The following GUCY2D variants were observed in gnomAD, a reference collection of about 807,000 sequenced individuals.
The protein encoded by GUCY2D is guanylate cyclase 2D, retinal.
A neutral mutation model predicts 101.3 loss-of-function variants in GUCY2D; 70 were observed. The observed-to-expected ratio is 0.69, with a 90% CI of 0.57 to 0.84. The LOEUF (loss-of-function observed/expected upper bound fraction) is 0.84. Among genes scored for constraint, GUCY2D ranks in the 40% least tolerant of loss-of-function variants. The pLI, the probability that GUCY2D is intolerant of heterozygous loss-of-function variation, is 0.00. For missense variants in GUCY2D, 1,460 were observed against 1,542.5 expected, an observed-to-expected ratio of 0.95 and a Z score of 0.90; for synonymous variants, 688 against 670.7, an observed-to-expected ratio of 1.03 and a Z score of -0.40.
At chr17:8,009,089 C>T (rs968479583) in intron 7 of GUCY2D, among the ~76,000 whole-genome samples, 1 of 152,236 alleles carries the variant, frequency 6.6e-6, no homozygotes, top group Non-Finnish European at 1.5e-5. Flanking sequence ...GGATGAGGTC[C>T]AGCATCAGGA....
At chr17:8,008,731 T>A (rs2151801294) in intron 7 of GUCY2D, among the ~76,000 whole-genome samples, 1 of 152,316 alleles carries the variant, frequency 6.6e-6, no homozygotes, top group South Asian at 2.1e-4. Flanking sequence ...GACTACTCTG[T>A]GCCTTGAAGA....
At position 8,016,538 on chromosome 17, in the gene GUCY2D, G is replaced by A. The variant is rs750906839; in HGVS notation, c.*8G>A. ...CCGGGCCAGTTCTCTTGAGAAGTGA[G>A]GCCCGGCCCCGGACAGGTACTGCCC... is the stretch of plus-strand genomic sequence containing the variant. On this transcript the variant is annotated 3_prime_UTR_variant, in exon 19 of 20. Transcript: ENST00000254854. 7 of 1,544,960 alleles carry A rather than the reference G, an allele frequency of 4.5e-6. No individual in the cohort carries two copies. Among genetic ancestry groups the A allele is most frequent in the Non-Finnish European group, 5.3e-6 (6 of 1,141,964 alleles).
Position 8,013,948 on chromosome 17 carries a change from G to A in GUCY2D, c.2332G>A (p.Val778Ile), listed in dbSNP as rs1488769863. 6.2e-7 allele frequency: 1 copy of A among 1,613,674 alleles called. No homozygotes were observed. Among genetic ancestry groups the A allele is most frequent in the Admixed American group, 1.7e-5 (1 of 60,034 alleles). ...CTTGGTGTCCATGGACCAGGCACCT[G>A]TCGAGTGTATCCTCCTGATGAAGCA... ...RPLVSMDQAP[V>I]ECILLMKQCW... The change falls in exon 12 of 20, where the codon GTC (valine) becomes ATC (isoleucine). Residue 778 changes from valine to isoleucine, a missense_variant. Around this residue, in one of 3 missense-constraint regions of GUCY2D, gnomAD observed 1,196 missense variants for 1,229.6 expected, o/e 0.97. Transcript: ENST00000254854. This position sits in a 1 kb window ranked among gnomAD's most constrained non-coding sequence, Gnocchi z 5.0.
rs1029856949 is a variant in GUCY2D, at chr17:8,020,298, T to C, written c.*195T>C. The stretch of plus-strand genomic sequence containing the variant: ...GATACCAGGCCATGTGCCATGGTAT[T>C]TGGGTCCTGGGAGGGTGGGTGAAAT... On this transcript the variant is annotated 3_prime_UTR_variant, in exon 20 of 20. Transcript: ENST00000254854. The C allele has an allele frequency of 6.6e-6, 1 of 152,072 alleles. No individual in the cohort carries two copies. The highest frequency in any genetic ancestry group is 2.4e-5 in the African/African-American group (1 of 41,354). The allele number at this position is 152,072 out of a possible 1,614,324, so 9.4% of individuals were successfully genotyped here. A position where few individuals can be genotyped will look rare whatever the true frequency, so the allele number is the denominator to read the frequency against.
chr17:8,018,850 T>TA (rs1031318965), intron 19 of GUCY2D, among the ~76,000 whole-genome samples: 5 of 151,680 alleles, frequency 3.3e-5, no homozygotes, highest in Admixed American at 6.6e-5. Flanking sequence ...TTTTTTTTTT[T>TA]AAACTGATTC....
chr17:8,006,878 C>T (rs1324392687), intron 4 of GUCY2D, among the ~76,000 whole-genome samples, 164 bp downstream of exon 4: 1 of 152,230 alleles, frequency 6.6e-6, no homozygotes, highest in Non-Finnish European at 1.5e-5. Flanking sequence ...AGCTCCAAAG[C>T]CCTCTTGGAA....
Position 8,011,064 on chromosome 17 carries a change from T to C in GUCY2D, c.1750-1080T>C, listed in dbSNP as rs895535140. Among the ~76,000 whole-genome samples the C allele has an allele frequency of 1.3e-5, 2 of 151,950 alleles. No individual in the cohort carries two copies. The highest frequency in any genetic ancestry group is 2.9e-5 in the Non-Finnish European group (2 of 67,988). ...CCGGCCAGGTTGCAGGCACACGCCA[T>C]TTCTGGTGTCCTTTGAAAGTGGCAC... On this transcript the variant is annotated intron_variant, in intron 8 of 19. Transcript: ENST00000254854. This position sits in a 1 kb window ranked among gnomAD's most constrained non-coding sequence, Gnocchi z 4.3.
rs1054541296 is a variant in GUCY2D, at chr17:8,011,040, C to T, written c.1750-1104C>T. On this transcript the variant is annotated intron_variant, in intron 8 of 19. Transcript: ENST00000254854. The surrounding 1 kb of genome is among the most constrained non-coding windows in gnomAD (Gnocchi z 4.3). The stretch of plus-strand genomic sequence containing the variant: ...ACGTAACGCCAAGCAGAGCAGCCCC[C>T]GGCCAGGTTGCAGGCACACGCCATT... 2.6e-5 allele frequency among the ~76,000 whole-genome samples: 4 copies of T among 152,044 alleles called. No individual in the cohort carries two copies. The highest frequency in any genetic ancestry group is 7.2e-5 in the African/African-American group (3 of 41,410).
intron 3 of GUCY2D, among the ~76,000 whole-genome samples, chr17:8,005,122 C>G (rs1459914725): frequency 6.6e-6 from 1 of 152,174 alleles, no homozygotes; most frequent in East Asian, 1.9e-4. Flanking sequence ...CCCTTGATTC[C>G]TTGAATTCTT....
chr17:8,013,896 G>A lies in GUCY2D; in HGVS notation c.2280G>A (p.Val760=), dbSNP rs898895746. The A allele has an allele frequency of 1.2e-6, 2 of 1,613,756 alleles. No individual in the cohort carries two copies. Among genetic ancestry groups the A allele is most frequent in the Non-Finnish European group, 8.5e-7 (1 of 1,179,702 alleles). ...TGCCTCCAGAAGTGGTGCAGAGGGTGCGGAGCCCCCCTCCACTGTGTCGGC... is the reference window on the plus strand; with the variant it reads ...TGCCTCCAGAAGTGGTGCAGAGGGTACGGAGCCCCCCTCCACTGTGTCGGC... ...ELTPEEVVQR[V]RSPPPLCRPL... Residue 760 remains valine (V), a synonymous_variant, in exon 12 of 20, where the codon GTG becomes GTA. Transcript: ENST00000254854. This position sits in a 1 kb window ranked among gnomAD's most constrained non-coding sequence, Gnocchi z 5.0.
In GUCY2D at chr17:8,004,151, C is replaced by A. The variant is rs368799458; in HGVS notation, c.1021C>A (p.Gln341Lys). 4.0e-5 allele frequency: 64 copies of A among 1,590,318 alleles called. No homozygotes were observed. Among genetic ancestry groups the A allele is most frequent in the Admixed American group, 3.5e-4 (21 of 59,736 alleles). The change falls in exon 3 of 20, where the codon CAG becomes AAG. Residue 341 changes from glutamine (Q) to lysine (K), a missense_variant. Around this residue, in one of 3 missense-constraint regions of GUCY2D, gnomAD observed 1,196 missense variants for 1,229.6 expected, o/e 0.97. Transcript: ENST00000254854. ...RRELPSDLNL[Q>K]QVSPLFGTIY... ...CGAGCTGCCCTCTGACCTCAATCTG[C>A]AGCAGGTAGACGGTCCCGGGAGGAG...
Position 8,015,728 on chromosome 17 carries a change from C to G in GUCY2D, c.2945-15C>G. 6.3e-7 allele frequency: 1 copy of G among 1,592,484 alleles called. No individual in the cohort carries two copies. The highest frequency in any genetic ancestry group is 8.6e-7 in the Non-Finnish European group (1 of 1,167,614). The stretch of plus-strand genomic sequence containing the variant: ...CCGGCCCTGCTAGCCCCGCCGACCC[C>G]CAGCATCTCCACAGGTCCATGCGTG... On this transcript the variant is annotated splice_polypyrimidine_tract_variant and intron_variant, in intron 15 of 19. Coordinates refer to ENST00000254854, the MANE Select transcript of GUCY2D (RefSeq NM_000180.4).
chr17:8,015,664 C>G (rs1405931300), intron 15 of GUCY2D, 79 bp from the exon 16 acceptor site: 2 of 1,239,978 alleles, frequency 1.6e-6, no homozygotes, highest in East Asian at 2.5e-5. Context: ...ATAATGGGTG[C>G]GAAGATCCCC....
intron 4 of GUCY2D, 90 bp downstream of exon 4, chr17:8,006,804 C>T (rs1975753633): frequency 1.9e-5 from 22 of 1,175,292 alleles, no homozygotes; most frequent in Non-Finnish European, 2.2e-5. Context: ...TCCTGTAATC[C>T]GTCTTCGATG....
Position 8,004,124 on chromosome 17 carries a change from C to T in GUCY2D, c.994C>T (p.Arg332Cys). The T allele has an allele frequency of 6.3e-7, 1 of 1,597,352 alleles. No individual in the cohort carries two copies. The highest frequency in any genetic ancestry group is 8.5e-7 in the Non-Finnish European group (1 of 1,177,494). The change falls in exon 3 of 20, where the codon CGC (arginine) becomes TGC (cysteine). Residue 332 changes from arginine (R) to cysteine (C), a missense_variant. Around this residue, in one of 3 missense-constraint regions of GUCY2D, gnomAD observed 1,196 missense variants for 1,229.6 expected, o/e 0.97. Transcript: ENST00000254854. ...CAGCCTGCGCAGGGCTCAAGAGCGCCGCGAGCTGCCCTCTGACCTCAATCT... is the reference window on the plus strand; with the variant it reads ...CAGCCTGCGCAGGGCTCAAGAGCGCTGCGAGCTGCCCTCTGACCTCAATCT... ...LDSLRRAQER[R>C]ELPSDLNLQQ...
rs775044013 is a variant in GUCY2D at position 8,016,008 on chromosome 17, G to A, written c.3125G>A (p.Arg1042His). ...DSGYQVELRG[R>H]TELKGKGAED... is the part of the protein sequence containing the mutation. ...GGCTACCAGGTGGAGCTGCGAGGCCGCACGGAGCTGAAGGTGAGGCAGGGC... is the reference window on the plus strand; with the variant it reads ...GGCTACCAGGTGGAGCTGCGAGGCCACACGGAGCTGAAGGTGAGGCAGGGC... The change falls in exon 17 of 20, where the codon CGC (arginine) becomes CAC (histidine). Residue 1042 changes from arginine to histidine, a missense_variant. Physicochemically the swap from Arg to His is conservative, Grantham distance 29. This residue lies in a region of GUCY2D where 215 missense variants were observed against 227.9 expected (regional missense o/e 0.94). Transcript: ENST00000254854. The A allele has an allele frequency of 3.1e-6, 5 of 1,606,842 alleles. No homozygotes were observed. The highest frequency in any genetic ancestry group is 2.2e-5 in the East Asian group (1 of 44,576).
Position 8,012,679 on chromosome 17 carries a change from C to T in GUCY2D, c.2113+73C>T, listed in dbSNP as rs931622218. 5 of 1,182,800 alleles carry T rather than the reference C, an allele frequency of 4.2e-6. No homozygotes were observed. In the African/African-American group the frequency reaches 6.0e-5, roughly 14 times the overall value. The allele number at this position is 1,182,800 out of a possible 1,614,324, so 73.3% of individuals were successfully genotyped here. On this transcript the variant is annotated intron_variant, in intron 10 of 19. Coordinates refer to ENST00000254854, the MANE Select transcript of GUCY2D (RefSeq NM_000180.4). ...TCAAGGGCTTCTCCCCCGCTTCCTCCCTACCTCTGCCCTCGCACTCTCTTC... is the reference window on the plus strand; with the variant it reads ...TCAAGGGCTTCTCCCCCGCTTCCTCTCTACCTCTGCCCTCGCACTCTCTTC...
rs933256547 is a variant in GUCY2D at position 8,015,454 on chromosome 17, C to A, written c.2896C>A (p.Arg966Ser). Residue 966 changes from arginine (R) to serine (S), a missense_variant, in exon 15 of 20, where the codon CGC (arginine) becomes AGC (serine). Physicochemically the swap from Arg to Ser is moderately radical, Grantham distance 110. This residue lies in a region of GUCY2D where 215 missense variants were observed against 227.9 expected (regional missense o/e 0.94). Transcript: ENST00000254854. ...CAGTGCCGTGGGCACTTTCCGCATGCGCCATATGCCTGAGGTTCCCGTGCG... is the reference window on the plus strand; with the variant it reads ...CAGTGCCGTGGGCACTTTCCGCATGAGCCATATGCCTGAGGTTCCCGTGCG... ...ILSAVGTFRM[R>S]HMPEVPVRIR... is the part of the protein sequence containing the mutation. 6.2e-7 allele frequency: 1 copy of A among 1,613,652 alleles called. No individual in the cohort carries two copies. Among genetic ancestry groups the A allele is most frequent in the Non-Finnish European group, 8.5e-7 (1 of 1,179,884 alleles).
Position 8,003,669 on chromosome 17 carries a change from C to T in GUCY2D, c.622C>T (p.Arg208Trp). Residue 208 changes from arginine (R) to tryptophan (W), a missense_variant, in exon 2 of 20, where the codon CGG (arginine) becomes TGG (tryptophan). By Grantham distance (101) the Arg-to-Trp change is moderately radical (BLOSUM62 -3). Around this residue, in one of 3 missense-constraint regions of GUCY2D, gnomAD observed 1,196 missense variants for 1,229.6 expected, o/e 0.97. Transcript: ENST00000254854. The part of the protein sequence containing the change: ...GRSLSTALRA[R>W]GLPVASVTSM... ...CTCACTGTCCACGGCACTCAGGGCCCGGGGCCTGCCTGTCGCCTCCGTGAC... is the reference window on the plus strand; with the variant it reads ...CTCACTGTCCACGGCACTCAGGGCCTGGGGCCTGCCTGTCGCCTCCGTGAC... The T allele has an allele frequency of 2.5e-6, 4 of 1,595,620 alleles. No individual in the cohort carries two copies. The highest frequency in any genetic ancestry group is 3.4e-6 in the Non-Finnish European group (4 of 1,178,416).
Sources: gnomAD v4.1 joint callset for allele counts (sites outside exome capture counted in the v4.1 genomes callset) on GRCh38, gnomAD v4.1.1 for gene constraint, gnomAD v4.1.1 regional missense constraint, Gnocchi (gnomAD v3.1) non-coding constraint, MANE v1.5 for transcripts, NCBI Gene and HGNC (gene_info 2026-07-23, HGNC 2026-07-21) for gene names.